GKN2: variants seen among roughly 807,000 people sequenced by gnomAD.
The protein encoded by GKN2 is gastrokine-2.
Under a neutral mutation model 22.7 loss-of-function variants are expected in GKN2, and 17 were observed. The observed-to-expected ratio is 0.75, with a 90% confidence interval of 0.51 to 1.13. GKN2 has a LOEUF of 1.13. Among genes scored for constraint, GKN2 ranks in the 50% most tolerant of loss-of-function variants. GKN2 has a pLI of 0.00. For missense variants in GKN2, 248 were observed against 221.4 expected (o/e 1.12, Z -0.76); for synonymous variants, 82 against 79.6 (o/e 1.03, Z -0.16).
chr2:68,947,689 C>T (rs1414914428), intron 3 of GKN2, among the ~76,000 whole-genome samples: 2 of 152,162 alleles, frequency 1.3e-5, no homozygotes, highest in African/African-American at 4.8e-5. Flanking sequence ...CTCCCTGGTT[C>T]AAGCAACTCT....
chr2:68,947,001 C>A, intron 4 of GKN2, 146 bp downstream of exon 4: 1 of 573,000 alleles, frequency 1.7e-6, no homozygotes. Flanking sequence ...AAAGTAAAAA[C>A]ACTTTAATAA....
In GKN2 at chr2:68,945,416, C is replaced by T; in HGVS notation, c.507G>A (p.Gly169=). The T allele has an allele frequency of 1.2e-6, 2 of 1,611,520 alleles. No individual in the cohort carries two copies. Among genetic ancestry groups the T allele is most frequent in the South Asian group, 1.1e-5 (1 of 90,658 alleles). ...NVGAGGCAKA[G]LLGILGISIC... ...TTGAAATTCCCAAGATGCCCAGGAG[C>T]CCAGCCTTTGCACAGCCTCCAGCAC... The change falls in exon 6 of 6, where the codon GGG becomes GGA. Residue 169 remains glycine, a synonymous_variant. Transcript: ENST00000328895.
intron 3 of GKN2, 79 bp from the exon 4 acceptor site, chr2:68,947,336 G>A (rs1017017649): frequency 1.9e-5 from 17 of 885,186 alleles, no homozygotes; most frequent in African/African-American, 8.2e-5. Context: ...CCTGAACCTC[G>A]GAAGAAAGAC....
chr2:68,947,398 A>G (rs1379870961), intron 3 of GKN2, 141 bp from the exon 4 acceptor site: 5 of 605,470 alleles, frequency 8.3e-6, no homozygotes, highest in African/African-American at 3.7e-5. Flanking sequence ...TCTGCAATCA[A>G]CTTTATCCAC....
intron 3 of GKN2, among the ~76,000 whole-genome samples, chr2:68,947,991 A>G (rs371895414): frequency 8.6e-4 from 130 of 152,030 alleles, no homozygotes; most frequent in African/African-American, 2.9e-3. Context: ...CACACCTGTA[A>G]TCCCAGCACT....
chr2:68,948,110 G>A (rs1669797649), intron 3 of GKN2, among the ~76,000 whole-genome samples: 1 of 151,910 alleles, frequency 6.6e-6, no homozygotes, highest in South Asian at 2.1e-4. Context: ...GCCGGGCGTG[G>A]TGGCGGGCAC....
intron 1 of GKN2, among the ~76,000 whole-genome samples, chr2:68,951,185 T>C (rs1669849595): frequency 1.3e-5 from 2 of 152,258 alleles, no homozygotes; most frequent in East Asian, 1.9e-4. Flanking sequence ...TAAAAAACTT[T>C]AATCCCTTAA....
chr2:68,950,456 A>G (rs1199003101), intron 2 of GKN2, among the ~76,000 whole-genome samples, 193 bp from the exon 3 acceptor site: 1 of 152,230 alleles, frequency 6.6e-6, no homozygotes, highest in Non-Finnish European at 1.5e-5. Context: ...ACTATATTAT[A>G]TATGGGAGAA....
At chr2:68,949,201 G>GT (rs1240729526) in intron 3 of GKN2, among the ~76,000 whole-genome samples, 5 of 152,134 alleles carry the variant, frequency 3.3e-5, no homozygotes, top group South Asian at 2.1e-4. Flanking sequence ...TGAAGGATAT[G>GT]TTTTCTGAGC....
At chr2:68,945,574 C>A in intron 5 of GKN2, 124 bp from the exon 6 acceptor site, 1 of 669,376 alleles carries the variant, frequency 1.5e-6, no homozygotes, top group Non-Finnish European at 2.6e-6. Flanking sequence ...GGCTCAATCC[C>A]AGTGATATTA....
chr2:68,952,372 C>G (rs1397736409), intron 1 of GKN2, among the ~76,000 whole-genome samples: 1 of 152,132 alleles, frequency 6.6e-6, no homozygotes, highest in Non-Finnish European at 1.5e-5. Context: ...GGGGAGAATA[C>G]TACTCAACTC....
intron 1 of GKN2, among the ~76,000 whole-genome samples, chr2:68,952,219 T>C (rs1405570292): frequency 6.6e-6 from 1 of 152,178 alleles, no homozygotes; most frequent in Non-Finnish European, 1.5e-5. Flanking sequence ...TGAGAGGACA[T>C]TGAAGACACT....
rs776778089 is a variant in GKN2 at position 68,950,286 on chromosome 2, A to G, written c.67-23T>C. On this transcript the variant is annotated intron_variant, in intron 2 of 5. Coordinates refer to ENST00000328895, the MANE Select transcript of GKN2 (RefSeq NM_182536.3). ...AACCTAGATTGAAAAGAAAGACAAAATGTTTTTCCATAAATCTTATATATT... is the reference window on the plus strand; with the variant it reads ...AACCTAGATTGAAAAGAAAGACAAAGTGTTTTTCCATAAATCTTATATATT... 15 of 1,594,304 alleles carry G rather than the reference A, an allele frequency of 9.4e-6. No homozygotes were observed. In the South Asian group the frequency reaches 1.5e-4, roughly 16 times the overall value.
chr2:68,947,057 G>T, intron 4 of GKN2, 90 bp downstream of exon 4: 1 of 782,692 alleles, frequency 1.3e-6, no homozygotes. Context: ...ATGATAGTAT[G>T]ATCTTCTCCC....
chr2:68,952,750 G>A (rs1669876707), intron 1 of GKN2, 100 bp downstream of exon 1: 5 of 1,147,886 alleles, frequency 4.4e-6, no homozygotes, highest in Admixed American at 2.0e-5. Context: ...AGCATGCACA[G>A]TATCTGTCTA....
At chr2:68,947,362 G>T in intron 3 of GKN2, 105 bp from the exon 4 acceptor site, 1 of 714,010 alleles carries the variant, frequency 1.4e-6, no homozygotes. Context: ...CATGCACAGT[G>T]AATATATGGT....
Position 68,946,322 on chromosome 2 carries a change from C to T in GKN2, c.454G>A (p.Glu152Lys), listed in dbSNP as rs1268332871. 12 of 1,608,674 alleles carry T rather than the reference C, an allele frequency of 7.5e-6. No individual in the cohort carries two copies. Among genetic ancestry groups the T allele is most frequent in the Non-Finnish European group, 1.0e-5 (12 of 1,178,548 alleles). ...TACTCACGTGTGTTTTCAACCACTT[C>T]CCCCTTATACAAAGGGATATGTTTG... The part of the protein sequence containing the change: ...LCKHIPLYKG[E>K]VVENTHNVGA... Residue 152 changes from glutamate to lysine, a missense_variant, in exon 5 of 6, where the codon GAA (glutamate) becomes AAA (lysine). By Grantham distance (56) the Glu-to-Lys change is moderately conservative (BLOSUM62 1). Coordinates refer to ENST00000328895, the MANE Select transcript of GKN2 (RefSeq NM_182536.3).
intron 5 of GKN2, 138 bp from the exon 6 acceptor site, chr2:68,945,588 C>T (rs1239627941): frequency 1.0e-5 from 6 of 602,750 alleles, no homozygotes; most frequent in East Asian, 2.8e-5. Flanking sequence ...GATATTATGC[C>T]ATTCTGTGTC....
intron 2 of GKN2, 135 bp downstream of exon 2, chr2:68,950,567 T>C: frequency 1.3e-6 from 1 of 785,706 alleles, no homozygotes; most frequent in Non-Finnish European, 2.1e-6. Flanking sequence ...AGCTCATTAT[T>C]TCCATTATTG....
Sources: gnomAD v4.1 joint callset for allele counts (sites outside exome capture counted in the v4.1 genomes callset) on GRCh38, gnomAD v4.1.1 for gene constraint, MANE v1.5 for transcripts, NCBI Gene and HGNC (gene_info 2026-07-23, HGNC 2026-07-21) for gene names.